Variants in WDPCP observed in about 807,000 individuals in gnomAD.
The protein encoded by WDPCP is WD repeat-containing and planar cell polarity effector protein fritz homolog.
In WDPCP, 71 loss-of-function variants were observed where a neutral mutation model predicts 93.1. The ratio of observed to expected loss-of-function variants is 0.76; its 90% CI spans 0.63 to 0.93. The LOEUF is 0.93. WDPCP is among the 40% of genes least tolerant of loss of function. The pLI is 0.00. For missense variants in WDPCP, 844 were observed against 887.4 expected (o/e 0.95, Z 0.62); for synonymous variants, 315 against 315.0 (o/e 1.00, Z 0.00).
intron 1 of WDPCP, among the ~76,000 whole-genome samples, chr2:63,527,301 A>T (rs1703416782): frequency 6.7e-6 from 1 of 149,232 alleles, no homozygotes; most frequent in Non-Finnish European, 1.5e-5. Context: ...TACCTGTGCC[A>T]TGTTGGTGTG....
At chr2:63,802,383 T>C (rs577669347) in intron 2 of WDPCP, among the ~76,000 whole-genome samples, 1 of 147,570 alleles carries the variant, frequency 6.8e-6, no homozygotes, top group Non-Finnish European at 1.5e-5. Context: ...TCAAGTAGTT[T>C]ACCAAAATAT....
chr2:63,519,794 C>A (rs897976877), intron 1 of WDPCP, among the ~76,000 whole-genome samples: 2 of 152,098 alleles, frequency 1.3e-5, no homozygotes, highest in Non-Finnish European at 2.9e-5. Context: ...GAGAAAGAAT[C>A]AGCACAAAAA....
intron 1 of WDPCP, among the ~76,000 whole-genome samples, chr2:63,510,340 A>C (rs1157011541): frequency 2.0e-5 from 3 of 152,218 alleles, no homozygotes; most frequent in African/African-American, 7.2e-5. Flanking sequence ...CCACATAATT[A>C]TCTCAATAGA....
intron 2 of WDPCP, among the ~76,000 whole-genome samples, chr2:63,759,646 C>G (rs1668460925): frequency 6.6e-6 from 1 of 152,168 alleles, no homozygotes; most frequent in African/African-American, 2.4e-5. Flanking sequence ...TTCAAGCAGC[C>G]AGGGGCCCCT....
At position 63,224,634 on chromosome 2, in the gene WDPCP, C is replaced by G. The variant is rs199629431; in HGVS notation, c.1915+34673G>C. On this transcript the variant is annotated intron_variant, in intron 14 of 17. Transcript: ENST00000272321. ...ATGCATATCACCAAGTGAAAGAAGC[C>G]AATCTGAAAAGGCTGTATGATTCCA... is the stretch of plus-strand genomic sequence containing the variant. Among the ~76,000 whole-genome samples the G allele has an allele frequency of 4.0e-5, 6 of 151,784 alleles. No homozygotes were observed. In the East Asian group the frequency reaches 9.7e-4, roughly 25 times the overall value.
intron 3 of WDPCP, among the ~76,000 whole-genome samples, chr2:63,641,188 A>G (rs1199392254): frequency 1.3e-5 from 2 of 152,140 alleles, no homozygotes; most frequent in African/African-American, 4.8e-5. Context: ...CATTGTGTAT[A>G]TGTACCACAT....
chr2:63,516,579 A>C (rs1702564828), intron 1 of WDPCP, among the ~76,000 whole-genome samples: 1 of 152,014 alleles, frequency 6.6e-6, no homozygotes, highest in Non-Finnish European at 1.5e-5. Flanking sequence ...TGTGAAGAGG[A>C]GGGGATGCTG....
intron 17 of WDPCP, among the ~76,000 whole-genome samples, chr2:63,145,791 T>C (rs1342859342): frequency 6.6e-6 from 1 of 152,232 alleles, no homozygotes; most frequent in Non-Finnish European, 1.5e-5. Context: ...TATACATTGC[T>C]CTGGGTAGTA....
chr2:63,558,897 A>G (rs1472664444), intron 1 of WDPCP, among the ~76,000 whole-genome samples: 2 of 152,174 alleles, frequency 1.3e-5, no homozygotes, highest in Non-Finnish European at 2.9e-5. Context: ...ATTCCAAACA[A>G]CTGAAAAGGA....
intron 6 of WDPCP, among the ~76,000 whole-genome samples, chr2:63,471,901 A>G (rs933043818): frequency 2.0e-5 from 3 of 152,154 alleles, no homozygotes; most frequent in African/African-American, 7.2e-5. Context: ...AGAGCTACTA[A>G]GTCTGAAAGT....
chr2:63,462,421 C>G (rs955598769), intron 6 of WDPCP, among the ~76,000 whole-genome samples: 1 of 152,188 alleles, frequency 6.6e-6, no homozygotes, highest in Non-Finnish European at 1.5e-5. Flanking sequence ...ATGGGCGCAG[C>G]ACACCAACAT....
In WDPCP at chr2:63,120,064, G is replaced by C. The variant is rs1559132706; in HGVS notation, c.*1942C>G. ...TATTATCATTATGTAGAAAAACATA[G>C]ATGTATCAATATCCATATTTTATCT... On this transcript the variant is annotated 3_prime_UTR_variant, in exon 18 of 18. Transcript: ENST00000272321. Among the ~76,000 whole-genome samples, 1 of 152,112 alleles carries C rather than the reference G, an allele frequency of 6.6e-6. No individual in the cohort carries two copies. Among genetic ancestry groups the C allele is most frequent in the Non-Finnish European group, 1.5e-5 (1 of 68,020 alleles).
chr2:63,136,903 T>G (rs1301476839), intron 17 of WDPCP, among the ~76,000 whole-genome samples: 1 of 152,228 alleles, frequency 6.6e-6, no homozygotes, highest in East Asian at 1.9e-4. Context: ...TTCTTTTTCA[T>G]GGCTGTATAG....
intron 2 of WDPCP, among the ~76,000 whole-genome samples, chr2:63,683,554 T>C (rs1668759386): frequency 6.6e-6 from 1 of 152,076 alleles, no homozygotes; most frequent in Non-Finnish European, 1.5e-5. Context: ...AGACAAAAGC[T>C]ATAAAAAGAG....
At position 63,120,684 on chromosome 2, in the gene WDPCP, G is replaced by A. The variant is rs1193544025; in HGVS notation, c.*1322C>T. On this transcript the variant is annotated 3_prime_UTR_variant, in exon 18 of 18. Transcript: ENST00000272321. ...TGGGACTACAGGTGCACGCCACCAC[G>A]CCCGGCTAATTTTTTTTTTTTTTGT... Among the ~76,000 whole-genome samples the A allele has an allele frequency of 6.7e-6, 1 of 149,072 alleles. No individual in the cohort carries two copies. The highest frequency in any genetic ancestry group is 2.5e-5 in the African/African-American group (1 of 40,802).
At chr2:63,181,583 T>C (rs1674244979) in intron 14 of WDPCP, among the ~76,000 whole-genome samples, 1 of 152,188 alleles carries the variant, frequency 6.6e-6, no homozygotes, top group Non-Finnish European at 1.5e-5. Flanking sequence ...CCATGCTGTT[T>C]TGGTTACTGT....
intron 15 of WDPCP, among the ~76,000 whole-genome samples, chr2:63,168,009 A>G (rs778136066): frequency 4.0e-5 from 6 of 150,136 alleles, no homozygotes; most frequent in Non-Finnish European, 8.9e-5. Flanking sequence ...CCAGCCACCC[A>G]GGAGGCTGAG....
chr2:63,284,689 G>T (rs1683848757), intron 13 of WDPCP, among the ~76,000 whole-genome samples: 1 of 152,194 alleles, frequency 6.6e-6, no homozygotes, highest in African/African-American at 2.4e-5. Flanking sequence ...TAGACAAAGG[G>T]ATGATTTTTA....
chr2:63,225,254 T>C (rs1440583834), intron 14 of WDPCP, among the ~76,000 whole-genome samples: 4 of 151,844 alleles, frequency 2.6e-5, no homozygotes, highest in African/African-American at 9.7e-5. Context: ...GGCAAAAGTC[T>C]TGAAAGGGCA....
Sources: allele counts gnomAD v4.1 joint callset (sites outside exome capture counted in the v4.1 genomes callset), GRCh38; gene constraint gnomAD v4.1.1; transcripts MANE v1.5; gene names NCBI Gene and HGNC (gene_info 2026-07-23, HGNC 2026-07-21).